The following RSAD1 variants were observed in gnomAD, a reference collection of about 807,000 sequenced individuals.
The protein encoded by RSAD1 is radical S-adenosyl methionine domain-containing protein 1, mitochondrial.
RSAD1 carries 34 observed loss-of-function variants against 46.2 expected under a neutral mutation model. The ratio of observed to expected loss-of-function variants is 0.74; its 90% CI spans 0.56 to 0.98. The LOEUF is 0.98. RSAD1 is among the 50% of genes least tolerant of loss of function. The pLI, the probability that RSAD1 is intolerant of heterozygous loss-of-function variation, is 0.00. For missense variants in RSAD1, 635 were observed against 592.3 expected (o/e 1.07, Z -0.75); for synonymous variants, 260 against 253.5 (o/e 1.03, Z -0.24).
chr17:50,482,100 G>T lies in RSAD1; in HGVS notation c.484G>T (p.Asp162Tyr). 9 of 1,564,800 alleles carry T rather than the reference G, an allele frequency of 5.8e-6. 1 individual carries two copies. In the South Asian group the frequency reaches 1.1e-4, roughly 18 times the overall value. ...RLSIGLQSLD[D>Y]TELRLLGRTH... The stretch of plus-strand genomic sequence containing the variant: ...CACCCTCTTTTCCCAGTCCCTAGAT[G>T]ACACTGAGCTCCGGCTGTTGGGACG... Residue 162 changes from aspartate to tyrosine, a missense_variant, in exon 4 of 9, where the codon GAC becomes TAC. Coordinates refer to ENST00000258955, the MANE Select transcript of RSAD1 (RefSeq NM_018346.3).
At chr17:50,482,608 C>G (rs758729906) in intron 4 of RSAD1, 35 bp from the exon 5 acceptor site, 10 of 1,613,760 alleles carry the variant, frequency 6.2e-6, no homozygotes, top group Non-Finnish European at 7.6e-6. Flanking sequence ...GAGGCCTGCC[C>G]TCTTCACTCT....
At chr17:50,479,163 A>G in intron 1 of RSAD1, 144 bp downstream of exon 1, 1 of 915,902 alleles carries the variant, frequency 1.1e-6, no homozygotes, top group Non-Finnish European at 1.5e-6. Context: ...CTGGGATGGG[A>G]CCCTGTGCTT....
rs143423901 is a variant in RSAD1, at chr17:50,484,768, T to G, written c.1236T>G (p.Gly412=). ...DHRGLRCSWE[G]LAVLDSLLLT... Reference sequence around the variant, plus strand: ...GGGGTCTTCGGTGTTCCTGGGAGGGTCTGGCTGTGCTGGACTCTCTCTTGC... The same window carrying G: ...GGGGTCTTCGGTGTTCCTGGGAGGGGCTGGCTGTGCTGGACTCTCTCTTGC... The change falls in exon 9 of 9, where the codon GGT becomes GGG. Residue 412 remains glycine, a synonymous_variant. Transcript: ENST00000258955. 6.8e-6 allele frequency: 11 copies of G among 1,613,668 alleles called. No homozygotes were observed. Among genetic ancestry groups the G allele is most frequent in the Non-Finnish European group, 9.3e-6 (11 of 1,179,876 alleles).
At chr17:50,484,580 G>A (rs1176733095) in intron 8 of RSAD1, 35 bp downstream of exon 8, 4 of 1,597,634 alleles carry the variant, frequency 2.5e-6, no homozygotes, top group South Asian at 2.2e-5. Flanking sequence ...GGGGGCTGAG[G>A]CATACCAGGG....
At chr17:50,479,047 G>A in intron 1 of RSAD1, 28 bp downstream of exon 1, 1 of 1,313,200 alleles carries the variant, frequency 7.6e-7, no homozygotes, top group Non-Finnish European at 9.7e-7. Flanking sequence ...CGGAGCCCAC[G>A]GTGTGTGGCC....
At position 50,485,035 on chromosome 17, in the gene RSAD1, T is replaced by G; in HGVS notation, c.*174T>G. Reference sequence around the variant, plus strand: ...GAGGTAGATGGGAGGACATTTCTGGTCAGGGAACTGGCATCCCATTCAGCA... The same window carrying G: ...GAGGTAGATGGGAGGACATTTCTGGGCAGGGAACTGGCATCCCATTCAGCA... On this transcript the variant is annotated 3_prime_UTR_variant, in exon 9 of 9. Coordinates refer to ENST00000258955, the MANE Select transcript of RSAD1 (RefSeq NM_018346.3). 1 of 598,864 alleles carries G rather than the reference T, an allele frequency of 1.7e-6. No homozygotes were observed. Among genetic ancestry groups the G allele is most frequent in the Non-Finnish European group, 3.0e-6 (1 of 334,444 alleles). The allele number at this position is 598,864 out of a possible 1,614,324, so 37.1% of individuals were successfully genotyped here. A position where few individuals can be genotyped will look rare whatever the true frequency, so the allele number is the denominator to read the frequency against.
rs1598443296 is a variant in RSAD1 at position 50,479,742 on chromosome 17, G to A, written c.249G>A (p.Leu83=). 7.4e-6 allele frequency: 12 copies of A among 1,611,014 alleles called. No individual in the cohort carries two copies. In the East Asian group the frequency reaches 2.5e-4, roughly 33 times the overall value. The change falls in exon 2 of 9, where the codon CTG becomes CTA. Residue 83 remains leucine, a synonymous_variant. Coordinates refer to ENST00000258955, the MANE Select transcript of RSAD1 (RefSeq NM_018346.3). ...TGGTGACCGAAGCTCAGACGCTGCT[G>A]CGGCTCAGCGGGGTGCAACGGTGGG... The part of the protein sequence containing the change: ...KCLVTEAQTL[L]RLSGVQRVES...
At chr17:50,481,717 T>A (rs1172242309) in intron 3 of RSAD1, among the ~76,000 whole-genome samples, 3 of 152,338 alleles carry the variant, frequency 2.0e-5, no homozygotes, top group African/African-American at 7.2e-5. Context: ...TAGGTTAGAA[T>A]TATTTAAAAT....
intron 3 of RSAD1, among the ~76,000 whole-genome samples, chr17:50,481,287 GTGT>G (rs2033377670): frequency 6.6e-6 from 1 of 152,226 alleles, no homozygotes; most frequent in Non-Finnish European, 1.5e-5. Context: ...TTATGTAATG[GTGT>G]TGTGTCAGTG....
At position 50,485,131 on chromosome 17, in the gene RSAD1, A is replaced by G. The variant is rs904825334; in HGVS notation, c.*270A>G. 1.2e-4 allele frequency: 58 copies of G among 474,738 alleles called. No individual in the cohort carries two copies. Among genetic ancestry groups the G allele is most frequent in the Non-Finnish European group, 1.5e-4 (39 of 265,958 alleles). 29.4% of individuals were successfully genotyped at this position (474,738 alleles called of 1,614,324 possible). A position where few individuals can be genotyped will look rare whatever the true frequency, so the allele number is the denominator to read the frequency against. ...CTACCACCCACATCAGCTTCTGTTT[A>G]CCTTTTTGGCATCAAATAATGAACA... On this transcript the variant is annotated 3_prime_UTR_variant, in exon 9 of 9. Coordinates refer to ENST00000258955, the MANE Select transcript of RSAD1 (RefSeq NM_018346.3).
chr17:50,485,495 G>A lies in RSAD1; in HGVS notation c.*634G>A, dbSNP rs1217564173. 6.6e-6 allele frequency: 1 copy of A among 152,302 alleles called. No individual in the cohort carries two copies. Among genetic ancestry groups the A allele is most frequent in the African/African-American group, 2.4e-5 (1 of 41,446 alleles). 9.4% of individuals were successfully genotyped at this position (152,302 alleles called of 1,614,324 possible). On this transcript the variant is annotated 3_prime_UTR_variant, in exon 9 of 9. Transcript: ENST00000258955. ...GATGCTACAAAACCTCATGCCTACT[G>A]TCTGCCACTGCTGGAGAAGGAATCA...
intron 3 of RSAD1, 85 bp from the exon 4 acceptor site, chr17:50,482,006 C>A: frequency 6.9e-7 from 1 of 1,444,910 alleles, no homozygotes; most frequent in South Asian, 1.5e-5. Context: ...GCTGCGTTCT[C>A]CCTGTATCTG....
intron 5 of RSAD1, 32 bp downstream of exon 5, chr17:50,482,738 C>T: frequency 6.2e-7 from 1 of 1,600,518 alleles, no homozygotes; most frequent in East Asian, 2.2e-5. Context: ...AAGGGTGACT[C>T]AGGAGAGGAA....
Position 50,479,660 on chromosome 17 carries a change from G to A in RSAD1, c.167G>A (p.Cys56Tyr). 1.2e-6 allele frequency: 2 copies of A among 1,613,914 alleles called. No individual in the cohort carries two copies. Among genetic ancestry groups the A allele is most frequent in the Non-Finnish European group, 1.7e-6 (2 of 1,180,046 alleles). ...TACTGCGAGAAGCGCTGCAGTTACT[G>A]CAACTTCAACAAGTACATCCCTCGC... is the stretch of plus-strand genomic sequence containing the variant. Reference protein sequence around the residue: ...WPYCEKRCSYCNFNKYIPRRL... With the variant: ...WPYCEKRCSYYNFNKYIPRRL... Residue 56 changes from cysteine (C) to tyrosine (Y), a missense_variant, in exon 2 of 9, where the codon TGC (cysteine) becomes TAC (tyrosine). Coordinates refer to ENST00000258955, the MANE Select transcript of RSAD1 (RefSeq NM_018346.3).
Position 50,478,863 on chromosome 17 carries a change from G to T in RSAD1, c.-22G>T. ...GCGCGCGTCTCCTGCTCGGGTCAGT[G>T]CGCCGCGCTGCGCTGGGCGCCATGG... On this transcript the variant is annotated 5_prime_UTR_variant, in exon 1 of 9. Coordinates refer to ENST00000258955, the MANE Select transcript of RSAD1 (RefSeq NM_018346.3). 1 of 1,258,496 alleles carries T rather than the reference G, an allele frequency of 7.9e-7. No homozygotes were observed. Among genetic ancestry groups the T allele is most frequent in the Non-Finnish European group, 9.9e-7 (1 of 1,006,604 alleles). 78.0% of individuals were successfully genotyped at this position (1,258,496 alleles called of 1,614,324 possible). A position where few individuals can be genotyped will look rare whatever the true frequency, so the allele number is the denominator to read the frequency against.
In RSAD1 at chr17:50,479,870, C is replaced by G. The variant is rs777927797; in HGVS notation, c.270-10C>G. On this transcript the variant is annotated splice_polypyrimidine_tract_variant and intron_variant, in intron 2 of 8. Transcript: ENST00000258955. ...CCCCCAGGTCTCATTTCTCCATTCTCTTTCCCCAGGGTGGAGTCTGTGTTC... is the reference window on the plus strand; with the variant it reads ...CCCCCAGGTCTCATTTCTCCATTCTGTTTCCCCAGGGTGGAGTCTGTGTTC... 2 of 1,607,854 alleles carry G rather than the reference C, an allele frequency of 1.2e-6. No homozygotes were observed. The highest frequency in any genetic ancestry group is 1.1e-5 in the South Asian group (1 of 90,534).
In RSAD1 at chr17:50,483,394, G is replaced by A. The variant is rs200350428; in HGVS notation, c.959G>A (p.Arg320Gln). 12 of 1,613,792 alleles carry A rather than the reference G, an allele frequency of 7.4e-6. No homozygotes were observed. The highest frequency in any genetic ancestry group is 3.3e-5 in the South Asian group (3 of 91,010). Reference protein sequence around the residue: ...QGAGGHTREARIQTLEPDNWM... With the variant: ...QGAGGHTREAQIQTLEPDNWM... ...GCTGGAGGCCACACCCGGGAGGCTC[G>A]GATCCAGACACTGGAGCCTGACAAC... Residue 320 changes from arginine (R) to glutamine (Q), a missense_variant, in exon 6 of 9, where the codon CGG becomes CAG. Coordinates refer to ENST00000258955, the MANE Select transcript of RSAD1 (RefSeq NM_018346.3).
chr17:50,482,310 CG>C lies in RSAD1; in HGVS notation c.698del (p.Gly233AlafsTer98), dbSNP rs1567870137. The C allele has an allele frequency of 1.2e-6, 2 of 1,609,420 alleles. No homozygotes were observed. The highest frequency in any genetic ancestry group is 3.4e-5 in the Admixed American group (2 of 59,536). On this transcript the variant is annotated frameshift_variant, in exon 4 of 9. Transcript: ENST00000258955. LOFTEE classifies it high-confidence loss of function. ...CTCCCTCTACCAGCTGTCCCTGGAG[CG>C]GGGCACCGCACTCTTCGCCCAGGTG... ...HLSLYQLSLE[R>X]GTALFAQVQR...
rs2033387581 is a variant in RSAD1 at position 50,482,175 on chromosome 17, C to T, written c.559C>T (p.Leu187Phe). Residue 187 changes from leucine to phenylalanine, a missense_variant, in exon 4 of 9, where the codon CTC becomes TTC. Physicochemically the swap from Leu to Phe is conservative, Grantham distance 22. Transcript: ENST00000258955. ...ALRTLAEARR[L>F]FPGRVSVDLM... ...GCGGACGCTGGCAGAGGCCCGGCGC[C>T]TCTTTCCCGGGCGCGTGTCTGTAGA... 6.3e-7 allele frequency: 1 copy of T among 1,582,832 alleles called. No homozygotes were observed. Among genetic ancestry groups the T allele is most frequent in the African/African-American group, 1.4e-5 (1 of 74,012 alleles).
Sources: gnomAD v4.1 joint callset for allele counts (sites outside exome capture counted in the v4.1 genomes callset) on GRCh38, gnomAD v4.1.1 for gene constraint, MANE v1.5 for transcripts, NCBI Gene and HGNC (gene_info 2026-07-23, HGNC 2026-07-21) for gene names.